The following DYSF variants were observed in gnomAD, a reference collection of about 807,000 sequenced individuals.
The protein encoded by DYSF is dysferlin.
A neutral mutation model predicts 274.9 loss-of-function variants in DYSF; 212 were observed. The ratio of observed to expected loss-of-function variants is 0.77; its 90% CI spans 0.69 to 0.86. DYSF has a LOEUF of 0.86. Ranked by LOEUF, DYSF falls within the 40% of genes least tolerant of loss-of-function variation. The pLI, the probability that DYSF is intolerant of heterozygous loss-of-function variation, is 0.00. For synonymous variants in DYSF, 1,091 were observed against 1,078.7 expected (o/e 1.01, Z -0.22); for missense variants, 2,666 against 2,783.2 (o/e 0.96, Z 0.95).
upstream of DYSF, among the ~76,000 whole-genome samples, chr2:71,463,436 G>A (rs1299591989): frequency 6.6e-6 from 1 of 152,202 alleles, no homozygotes; most frequent in Admixed American, 6.5e-5. Context: ...AGCTGTGCCT[G>A]GGAGCTTGGG....
rs374936462 is a variant in DYSF at position 71,535,360 on chromosome 2, G to A, written c.1493+49G>A. 3.4e-4 allele frequency: 516 copies of A among 1,540,294 alleles called. 4 individuals are homozygous for A. The African/African-American group carries it at 6.1e-3, about 18-fold the overall frequency. On this transcript the variant is annotated intron_variant, in intron 16 of 55. Coordinates refer to ENST00000410020, the MANE Select transcript of DYSF (RefSeq NM_001130987.2). ...TTAGGGCGGGCTGTCCTGAGGGGGC[G>A]CTGGGTCCCTCAGTTTCATTCGGCT...
At chr2:71,649,240 A>T (rs1386693615) in intron 42 of DYSF, among the ~76,000 whole-genome samples, 2 of 152,142 alleles carry the variant, frequency 1.3e-5, no homozygotes, top group Non-Finnish European at 1.5e-5. Flanking sequence ...TGTAAATATC[A>T]TATATACTGA....
chr2:71,578,651 C>T (rs1268992389), intron 30 of DYSF, among the ~76,000 whole-genome samples: 8 of 152,144 alleles, frequency 5.3e-5, no homozygotes, highest in Admixed American at 3.3e-4. Flanking sequence ...GGGGAAAGAC[C>T]GTGGGTGGAA....
Position 71,660,573 on chromosome 2 carries a change from T to C in DYSF, c.4925T>C (p.Ile1642Thr). The C allele has an allele frequency of 6.2e-7, 1 of 1,614,006 alleles. No homozygotes were observed. Among genetic ancestry groups the C allele is most frequent in the Non-Finnish European group, 8.5e-7 (1 of 1,179,896 alleles). ...CTCCTCCTCCAGTGTGATCCTTACATCAAGATCTCCATAGGGAAGAAATCA... is the reference window on the plus strand; with the variant it reads ...CTCCTCCTCCAGTGTGATCCTTACACCAAGATCTCCATAGGGAAGAAATCA... ...KDPNGKCDPY[I>T]KISIGKKSVS... Residue 1642 changes from isoleucine to threonine, a missense_variant, in exon 45 of 56, where the codon ATC becomes ACC. Physicochemically the swap from Ile to Thr is moderately conservative, Grantham distance 89. Coordinates refer to ENST00000410020, the MANE Select transcript of DYSF (RefSeq NM_001130987.2).
rs766016391 is a variant in DYSF at position 71,643,988 on chromosome 2, G to A, written c.4551G>A (p.Trp1517Ter). Residue 1517 changes from tryptophan to a stop codon, truncating the protein, a stop_gained, in exon 42 of 56, where the codon TGG (tryptophan) becomes TGA (stop). Coordinates refer to ENST00000410020, the MANE Select transcript of DYSF (RefSeq NM_001130987.2). LOFTEE classifies it high-confidence loss of function. ...AGGAGGAAGAGTTCATCGATTGGTGGAGCAAATTCTTTGCCTCCATAGGGG... is the reference window on the plus strand; with the variant it reads ...AGGAGGAAGAGTTCATCGATTGGTGAAGCAAATTCTTTGCCTCCATAGGGG... ...SPHEEEFIDW[W>*]SKFFASIGER... is the part of the protein sequence containing the mutation. 1.2e-6 allele frequency: 2 copies of A among 1,611,686 alleles called. No homozygotes were observed. Among genetic ancestry groups the A allele is most frequent in the Non-Finnish European group, 8.5e-7 (1 of 1,178,980 alleles).
intron 3 of DYSF, among the ~76,000 whole-genome samples, chr2:71,489,816 G>A (rs147829019): frequency 0.01 from 1,584 of 152,246 alleles, 29 homozygotes; most frequent in African/African-American, 0.036. Flanking sequence ...GAGGGTCAGG[G>A]GCTTTGCTCA....
At chr2:71,489,141 C>A (rs1030657083) in intron 3 of DYSF, among the ~76,000 whole-genome samples, 1 of 152,150 alleles carries the variant, frequency 6.6e-6, no homozygotes, top group Non-Finnish European at 1.5e-5. Context: ...AATCAAGGGA[C>A]CTGCCACAAC....
intron 30 of DYSF, among the ~76,000 whole-genome samples, chr2:71,589,139 T>G (rs1193821562): frequency 6.6e-6 from 1 of 152,118 alleles, no homozygotes; most frequent in African/African-American, 2.4e-5. Flanking sequence ...GGTGGGTGTG[T>G]GGTGCAGCTT....
At chr2:71,567,326 C>T (rs1020698240) in intron 24 of DYSF, among the ~76,000 whole-genome samples, 7 of 152,138 alleles carry the variant, frequency 4.6e-5, no homozygotes, top group African/African-American at 1.7e-4. Context: ...AAATAAAATA[C>T]TAAACATGGA....
At position 71,545,531 on chromosome 2, in the gene DYSF, G is replaced by C. The variant is rs184861806; in HGVS notation, c.1577-5510G>C. On this transcript the variant is annotated intron_variant, in intron 17 of 55. Transcript: ENST00000410020. The stretch of plus-strand genomic sequence containing the variant: ...TAGTTTCTAAGGAGGGCTGTCTCCT[G>C]CACAGGTAGAGAGATTTGGGGGTGG... 4.6e-5 allele frequency among the ~76,000 whole-genome samples: 7 copies of C among 152,290 alleles called. No homozygotes were observed. The East Asian group carries it at 1.4e-3, about 29-fold the overall frequency.
At chr2:71,570,105 T>C (rs1295672462) in intron 27 of DYSF, 124 bp from the exon 28 acceptor site, 2 of 1,086,954 alleles carry the variant, frequency 1.8e-6, no homozygotes, top group East Asian at 4.8e-5. Flanking sequence ...GGACACTGAC[T>C]CTGGGGCTCT....
chr2:71,595,777 A>G (rs2093388780), intron 32 of DYSF, among the ~76,000 whole-genome samples: 1 of 152,210 alleles, frequency 6.6e-6, no homozygotes, highest in Admixed American at 6.5e-5. Context: ...TGCCTCAGCT[A>G]GGGCACGATG....
chr2:71,546,700 T>C (rs2090504482), intron 17 of DYSF, among the ~76,000 whole-genome samples: 1 of 152,258 alleles, frequency 6.6e-6, no homozygotes, highest in African/African-American at 2.4e-5. Context: ...CCTAGTGTTT[T>C]CCATAGTTAA....
In DYSF at chr2:71,551,132, C is replaced by A. The variant is rs180970066; in HGVS notation, c.1668C>A (p.Pro556=). ...SPREFTGFPD[P]YTELNTGKGE... ...GAGAGTTCACAGGCTTCCCAGACCC[C>A]TACACAGAGCTCAACACAGGCAAGG... Residue 556 remains proline, a synonymous_variant, in exon 18 of 56, where the codon CCC becomes CCA. Transcript: ENST00000410020. The A allele has an allele frequency of 1.1e-5, 17 of 1,614,156 alleles. No individual in the cohort carries two copies. In the East Asian group the frequency reaches 2.9e-4, roughly 28 times the overall value.
At chr2:71,515,883 T>A in intron 8 of DYSF, 132 bp downstream of exon 8, 1 of 1,360,298 alleles carries the variant, frequency 7.4e-7, no homozygotes. Flanking sequence ...ATGTGCTGGC[T>A]CCCAAGGAGG....
rs974887355 is a variant in DYSF, at chr2:71,638,424, T to G, written c.4528-5541T>G. 4.6e-5 allele frequency among the ~76,000 whole-genome samples: 7 copies of G among 151,408 alleles called. No homozygotes were observed. The South Asian group carries it at 1.5e-3, about 32-fold the overall frequency. ...CTCACAATAACTGTCAAATTTATGC[T>G]ATTATTTTTCCATGACAGATTAGAT... On this transcript the variant is annotated intron_variant, in intron 41 of 55. Coordinates refer to ENST00000410020, the MANE Select transcript of DYSF (RefSeq NM_001130987.2).
At chr2:71,502,521 C>T (rs1474769465) in intron 3 of DYSF, among the ~76,000 whole-genome samples, 1 of 152,154 alleles carries the variant, frequency 6.6e-6, no homozygotes, top group African/African-American at 2.4e-5. Context: ...GGTGAGCCCA[C>T]TTCATAGCTT....
At chr2:71,494,130 C>T (rs933037999) in intron 3 of DYSF, among the ~76,000 whole-genome samples, 1 of 150,644 alleles carries the variant, frequency 6.6e-6, no homozygotes, top group African/African-American at 2.4e-5. Flanking sequence ...GCATGAGAAC[C>T]CTCTCTTCAT....
rs372512141 is a variant in DYSF, at chr2:71,515,711, G to A, written c.848G>A (p.Arg283Gln). ...VKVTAAGQTK[R>Q]TRIHKGNSPL... is the part of the protein sequence containing the mutation. ...GTTACCGCTGCAGGGCAGACCAAGC[G>A]GACGCGGATCCACAAGGGAAACAGC... The change falls in exon 8 of 56, where the codon CGG becomes CAG. Residue 283 changes from arginine (R) to glutamine (Q), a missense_variant. Arg to Gln is a conservative substitution (Grantham distance 43, BLOSUM62 1). Transcript: ENST00000410020. 28 of 1,614,168 alleles carry A rather than the reference G, an allele frequency of 1.7e-5. No homozygotes were observed. Among genetic ancestry groups the A allele is most frequent in the African/African-American group, 1.2e-4 (9 of 75,050 alleles).
Sources: allele counts gnomAD v4.1 joint callset (sites outside exome capture counted in the v4.1 genomes callset), GRCh38; gene constraint gnomAD v4.1.1; transcripts MANE v1.5; gene names NCBI Gene and HGNC (gene_info 2026-07-23, HGNC 2026-07-21).